Variants in PEBP4 observed in about 807,000 individuals in gnomAD.
PEBP4 encodes phosphatidylethanolamine-binding protein 4.
A neutral mutation model predicts 23.9 loss-of-function variants in PEBP4; 22 were observed. That is an observed-to-expected ratio of 0.92 (90% confidence interval 0.66 to 1.31). The LOEUF (loss-of-function observed/expected upper bound fraction) is 1.31, where lower values mean the gene tolerates loss of function less well. Ranked by LOEUF, PEBP4 falls within the 40% of genes most tolerant of loss-of-function variation. The pLI, the probability that PEBP4 is intolerant of heterozygous loss-of-function variation, is 0.00. For missense variants in PEBP4, 324 were observed against 281.7 expected, an observed-to-expected ratio of 1.15 and a Z score of -1.07; for synonymous variants, 112 against 99.3, an observed-to-expected ratio of 1.13 and a Z score of -0.76.
At chr8:22,752,896 C>G (rs989769060) in intron 4 of PEBP4, among the ~76,000 whole-genome samples, 1 of 152,200 alleles carries the variant, frequency 6.6e-6, no homozygotes, top group Non-Finnish European at 1.5e-5. Flanking sequence ...TGGGGATGCC[C>G]GTTAATTTTA....
chr8:22,821,801 C>T (rs374373180), intron 3 of PEBP4, among the ~76,000 whole-genome samples: 9 of 151,912 alleles, frequency 5.9e-5, no homozygotes, highest in African/African-American at 1.9e-4. Flanking sequence ...CTGGCTAACA[C>T]GGTGAAACCC....
At chr8:22,730,307 C>T (rs971798722) in intron 4 of PEBP4, among the ~76,000 whole-genome samples, 15 of 152,164 alleles carry the variant, frequency 9.9e-5, no homozygotes, top group Non-Finnish European at 1.3e-4. Flanking sequence ...GAGGCTGAGG[C>T]GGGTGGATTG....
At chr8:22,867,600 TC>T (rs1807932301) in intron 3 of PEBP4, among the ~76,000 whole-genome samples, 1 of 152,052 alleles carries the variant, frequency 6.6e-6, no homozygotes, top group South Asian at 2.1e-4. Context: ...TCACTGCCCT[TC>T]CCCCTCTGGC....
chr8:22,912,337 C>G (rs1808956095), intron 3 of PEBP4, among the ~76,000 whole-genome samples: 2 of 152,250 alleles, frequency 1.3e-5, no homozygotes, highest in South Asian at 2.1e-4. Flanking sequence ...GTATCCCTCA[C>G]TACCGGAACA....
intron 3 of PEBP4, among the ~76,000 whole-genome samples, chr8:22,841,869 C>T (rs1327082997): frequency 2.0e-5 from 3 of 152,344 alleles, no homozygotes; most frequent in Middle Eastern, 3.4e-3. Context: ...GCACTGCCTT[C>T]GCAGAGAACC....
chr8:22,911,973 C>T (rs770479301), intron 3 of PEBP4, among the ~76,000 whole-genome samples: 4 of 152,066 alleles, frequency 2.6e-5, no homozygotes, highest in Non-Finnish European at 4.4e-5. Flanking sequence ...AATCGCTGAG[C>T]GTGCACCCTG....
intron 3 of PEBP4, among the ~76,000 whole-genome samples, chr8:22,868,055 A>G (rs1022259756): frequency 2.6e-5 from 4 of 152,152 alleles, no homozygotes; most frequent in African/African-American, 9.7e-5. Context: ...GCTGTTTGAT[A>G]AGTGGCTGCC....
At chr8:22,733,793 TG>T (rs1804789192) in intron 4 of PEBP4, among the ~76,000 whole-genome samples, 1 of 6,114 alleles carries the variant, frequency 1.6e-4, no homozygotes, top group Non-Finnish European at 7.0e-4. Flanking sequence ...ATGGGGGGTT[TG>T]GGGAGGGTGG....
intron 3 of PEBP4, among the ~76,000 whole-genome samples, chr8:22,894,443 A>C (rs1156763875): frequency 6.6e-6 from 1 of 152,114 alleles, no homozygotes. Context: ...AATTCCAAGC[A>C]TAGTGGCATG....
chr8:22,723,016 C>T (rs989367466), intron 6 of PEBP4, among the ~76,000 whole-genome samples: 7 of 151,214 alleles, frequency 4.6e-5, no homozygotes, highest in East Asian at 3.9e-4. Context: ...CTCCTGACCT[C>T]GTGATCCGCC....
At chr8:22,792,113 C>A (rs1373062259) in intron 4 of PEBP4, among the ~76,000 whole-genome samples, 1 of 152,018 alleles carries the variant, frequency 6.6e-6, no homozygotes, top group African/African-American at 2.4e-5. Flanking sequence ...CCTGCCCCAG[C>A]CTCCCAAAGT....
At chr8:22,928,668 T>C (rs1470507718), upstream of PEBP4, among the ~76,000 whole-genome samples, 1 of 151,850 alleles carries the variant, frequency 6.6e-6, no homozygotes, top group Non-Finnish European at 1.5e-5. Flanking sequence ...GCTCTCTGCT[T>C]CTCAGAGGCG....
At chr8:22,791,956 AAG>A (rs1806149114) in intron 4 of PEBP4, among the ~76,000 whole-genome samples, 1 of 149,696 alleles carries the variant, frequency 6.7e-6, no homozygotes, top group Non-Finnish European at 1.5e-5. Flanking sequence ...TCCTAGACTC[AAG>A]TGATCCTCCT....
chr8:22,782,200 G>T (rs998340227), intron 4 of PEBP4, among the ~76,000 whole-genome samples: 1 of 152,134 alleles, frequency 6.6e-6, no homozygotes, highest in Non-Finnish European at 1.5e-5. Context: ...GACCAGATGG[G>T]CCCTAATACA....
rs142674896 is a variant in PEBP4 at position 22,876,667 on chromosome 8, GTGT to G, written c.258+43514_258+43516del. 4.3e-4 allele frequency among the ~76,000 whole-genome samples: 66 copies of G among 152,356 alleles called. 1 individual carries two copies. The East Asian group carries it at 8.9e-3, about 20-fold the overall frequency. On this transcript the variant is annotated intron_variant, in intron 3 of 6. Coordinates refer to ENST00000256404, the MANE Select transcript of PEBP4 (RefSeq NM_144962.3). ...ATGACAGTGTATGTTTATAGCGCTTGTGTTGTTGTGAAAATAAACAGCACTTGA... is the reference window on the plus strand; with the variant it reads ...ATGACAGTGTATGTTTATAGCGCTTGTGTTGTGAAAATAAACAGCACTTGA...
chr8:22,855,425 T>C (rs1219205421), intron 3 of PEBP4, among the ~76,000 whole-genome samples: 8 of 152,198 alleles, frequency 5.3e-5, no homozygotes, highest in Admixed American at 5.2e-4. Flanking sequence ...TCACCAAGAC[T>C]AGAACACATT....
chr8:22,888,645 C>T (rs756505440), intron 3 of PEBP4, among the ~76,000 whole-genome samples: 9 of 152,244 alleles, frequency 5.9e-5, no homozygotes, highest in Non-Finnish European at 4.4e-5. Flanking sequence ...TCACACATCA[C>T]TATGACATCA....
chr8:22,892,913 T>A (rs556423720), intron 3 of PEBP4, among the ~76,000 whole-genome samples: 1 of 152,302 alleles, frequency 6.6e-6, no homozygotes, highest in Admixed American at 6.5e-5. Context: ...AACCTGACAG[T>A]CACCTTGAGT....
chr8:22,714,103 G>T (rs1804365080), intron 6 of PEBP4, among the ~76,000 whole-genome samples: 1 of 152,244 alleles, frequency 6.6e-6, no homozygotes, highest in East Asian at 1.9e-4. Context: ...CTTCCCCATG[G>T]CAGAGGTGGA....
Sources: allele counts gnomAD v4.1 joint callset (sites outside exome capture counted in the v4.1 genomes callset), GRCh38; gene constraint gnomAD v4.1.1; transcripts MANE v1.5; gene names NCBI Gene and HGNC (gene_info 2026-07-23, HGNC 2026-07-21).